The following MIB1 variants were observed in gnomAD, a reference collection of about 807,000 sequenced individuals.
The protein encoded by MIB1 is MIB E3 ubiquitin protein ligase 1.
MIB1 carries 278 observed loss-of-function variants against 124.5 expected under a neutral mutation model. That is an observed-to-expected ratio of 2.23 (90% CI 2.02 to 2.47). The LOEUF (loss-of-function observed/expected upper bound fraction) is 2.47. MIB1 is among the 30% of genes most tolerant of loss of function. MIB1 has a pLI of 0.00. For missense variants in MIB1, 957 were observed against 1,254.4 expected (o/e 0.76, Z 3.58); for synonymous variants, 446 against 429.4 (o/e 1.04, Z -0.48).
At chr18:21,794,442 C>CCT (rs147293733) in intron 7 of MIB1, among the ~76,000 whole-genome samples, 35,024 of 144,778 alleles carry the variant, frequency 0.24, 4,156 homozygotes, top group South Asian at 0.38. Flanking sequence ...CATTAAATAG[C>CCT]CTCTCTCTCT....
At position 21,732,987 on chromosome 18, in the gene MIB1, G is replaced by A. The variant is rs138557219; in HGVS notation, n.167+27864G>A. On this transcript the variant is annotated intron_variant and non_coding_transcript_variant, in intron 1 of 20. Coordinates refer to the MIB1 transcript ENST00000578646. ...AAATCCCTCCAGCATCTCAAAAAAC[G>A]GTTGCCATGACCTTTGCTTGTGACC... Among the ~76,000 whole-genome samples the A allele has an allele frequency of 3.0e-3, 464 of 152,226 alleles. 4 individuals are homozygous for A. Among genetic ancestry groups the A allele is most frequent in the African/African-American group, 0.011 (442 of 41,530 alleles).
chr18:21,730,478 G>C (rs1022985859), intron 1 of MIB1, among the ~76,000 whole-genome samples: 1 of 152,138 alleles, frequency 6.6e-6, no homozygotes, highest in Admixed American at 6.5e-5. Context: ...TGAGGCGGGA[G>C]AGTCGCTTGA....
chr18:21,746,294 C>T (rs1337031672), intron 1 of MIB1, among the ~76,000 whole-genome samples: 2 of 152,120 alleles, frequency 1.3e-5, no homozygotes, highest in Non-Finnish European at 2.9e-5. Flanking sequence ...AAGATTTTGT[C>T]TGGGAGTTGT....
Position 21,867,495 on chromosome 18 carries a change from A to G in MIB1, c.*2829A>G, listed in dbSNP as rs974477687. ...TACATATTTAATTTTGTTGGGAGCA[A>G]GAAGGTTTTCAAGAAAAGATAATTT... On this transcript the variant is annotated 3_prime_UTR_variant, in exon 21 of 21. Coordinates refer to ENST00000261537, the MANE Select transcript of MIB1 (RefSeq NM_020774.4). 2.6e-5 allele frequency: 4 copies of G among 152,594 alleles called. No homozygotes were observed. Among genetic ancestry groups the G allele is most frequent in the African/African-American group, 7.2e-5 (3 of 41,450 alleles). The allele number at this position is 152,594 out of a possible 1,614,324, so 9.5% of individuals were successfully genotyped here.
intron 1 of MIB1, among the ~76,000 whole-genome samples, chr18:21,714,265 T>C (rs1301063760): frequency 2.6e-5 from 4 of 152,128 alleles, no homozygotes; most frequent in East Asian, 3.9e-4. Context: ...GAGTTGTGAA[T>C]TGTTGGACTG....
chr18:21,735,431 A>G (rs1014766269), intron 1 of MIB1, among the ~76,000 whole-genome samples: 4 of 151,618 alleles, frequency 2.6e-5, no homozygotes, highest in African/African-American at 9.7e-5. Context: ...TCAAGCACAA[A>G]ACTGGGTGGT....
intron 1 of MIB1, among the ~76,000 whole-genome samples, chr18:21,712,307 AC>A (rs1287182180): frequency 1.3e-5 from 2 of 151,940 alleles, no homozygotes; most frequent in Non-Finnish European, 2.9e-5. Flanking sequence ...CCCTAAGGAG[AC>A]CCCCAGTGAT....
At position 21,747,138 on chromosome 18, in the gene MIB1, G is replaced by T. The variant is rs13381200; in HGVS notation, c.229+5326G>T. ...AAAATGTTTTTTATTAATGACATCT[G>T]CAAGGAAAACTTTATTTCCTCATAG... On this transcript the variant is annotated intron_variant, in intron 1 of 20. Coordinates refer to ENST00000261537, the MANE Select transcript of MIB1 (RefSeq NM_020774.4). 1.2e-3 allele frequency among the ~76,000 whole-genome samples: 188 copies of T among 152,278 alleles called. 2 individuals are homozygous for T. The highest frequency in any genetic ancestry group is 4.4e-3 in the African/African-American group (181 of 41,558).
chr18:21,835,840 A>ACACACACAAAC (rs1555695330), intron 12 of MIB1, among the ~76,000 whole-genome samples: 4 of 108,054 alleles, frequency 3.7e-5, no homozygotes, highest in Admixed American at 1.2e-4. Context: ...CACACACACA[A>ACACACACAAAC]ACACACACGA....
chr18:21,815,517 T>G, intron 10 of MIB1, 99 bp from the exon 11 acceptor site: 1 of 1,083,590 alleles, frequency 9.2e-7, no homozygotes, highest in African/African-American at 1.6e-5. Context: ...CTACATTGCC[T>G]TTTCTCAAAT....
At chr18:21,766,087 G>GACC in intron 2 of MIB1, 144 bp downstream of exon 2, 1 of 711,400 alleles carries the variant, frequency 1.4e-6, no homozygotes, top group East Asian at 2.7e-5. Context: ...GATAGAAGTG[G>GACC]ACCAAATCTG....
At chr18:21,761,080 G>A (rs543770427) in intron 1 of MIB1, among the ~76,000 whole-genome samples, 30 of 152,180 alleles carry the variant, frequency 2.0e-4, no homozygotes, top group South Asian at 1.0e-3. Flanking sequence ...TGGCAATGAG[G>A]TTGCTTTAAA....
intron 1 of MIB1, among the ~76,000 whole-genome samples, chr18:21,762,353 T>C (rs967950214): frequency 1.2e-4 from 18 of 152,200 alleles, no homozygotes; most frequent in African/African-American, 4.3e-4. Flanking sequence ...GGGACTATTA[T>C]TATGTAAATT....
At chr18:21,815,031 A>ATATATATAAAAT (rs1362539827) in intron 10 of MIB1, among the ~76,000 whole-genome samples, 2 of 114,522 alleles carry the variant, frequency 1.7e-5, no homozygotes, top group African/African-American at 8.5e-5. Context: ...ATATATATAT[A>ATATATATAAAAT]TATATATATA....
At position 21,745,448 on chromosome 18, in the gene MIB1, G is replaced by A. The variant is rs73963245; in HGVS notation, c.229+3636G>A. 8.7e-3 allele frequency among the ~76,000 whole-genome samples: 1,327 copies of A among 152,278 alleles called. 21 individuals carry two copies. Among genetic ancestry groups the A allele is most frequent in the African/African-American group, 0.03 (1,239 of 41,530 alleles). ...TCCAGACATTGCCAGATGTCCCCTA[G>A]TGGGGGCAAAATTGCTCCCAATTGA... On this transcript the variant is annotated intron_variant, in intron 1 of 20. Transcript: ENST00000261537.
intron 17 of MIB1, among the ~76,000 whole-genome samples, 185 bp from the exon 18 acceptor site, chr18:21,852,955 A>G (rs556975133): frequency 1.3e-5 from 2 of 152,218 alleles, no homozygotes; most frequent in African/African-American, 2.4e-5. Context: ...CTGTTAAGCT[A>G]GGGTATATAA....
Position 21,741,840 on chromosome 18 carries a change from T to TGC in MIB1, c.229+36_229+37dup. ...AAGCCGCGGCCACCTGGCCAGGGCT[T>TGC]GCGCGCGCGGGGGGAAGGGGCGAGC... is the stretch of plus-strand genomic sequence containing the variant. On this transcript the variant is annotated intron_variant, in intron 1 of 20. Coordinates refer to ENST00000261537, the MANE Select transcript of MIB1 (RefSeq NM_020774.4). The surrounding 1 kb of genome is among the most constrained non-coding windows in gnomAD (Gnocchi z 5.4). 3.2e-6 allele frequency: 5 copies of TGC among 1,538,856 alleles called. No individual in the cohort carries two copies. Among genetic ancestry groups the TGC allele is most frequent in the African/African-American group, 1.4e-5 (1 of 72,976 alleles).
chr18:21,773,971 C>T (rs896850012), intron 4 of MIB1, among the ~76,000 whole-genome samples: 2 of 151,996 alleles, frequency 1.3e-5, no homozygotes, highest in African/African-American at 4.8e-5. Context: ...GGTTTATTTA[C>T]GAAAATCTAT....
rs373463795 is a variant in MIB1 at position 21,779,451 on chromosome 18, C to T, written c.704-30C>T. ...GCCTGTTGTTGTGAGGTTTTTTTCT[C>T]CCTTTATTCAATTGCCTCTGAAATT... On this transcript the variant is annotated intron_variant, in intron 5 of 20. Coordinates refer to ENST00000261537, the MANE Select transcript of MIB1 (RefSeq NM_020774.4). 25 of 1,587,116 alleles carry T rather than the reference C, an allele frequency of 1.6e-5. No individual in the cohort carries two copies. The African/African-American group carries it at 3.4e-4, about 21-fold the overall frequency.
Sources: allele counts gnomAD v4.1 joint callset (sites outside exome capture counted in the v4.1 genomes callset), GRCh38; gene constraint gnomAD v4.1.1; non-coding constraint Gnocchi (gnomAD v3.1); transcripts MANE v1.5; gene names NCBI Gene and HGNC (gene_info 2026-07-23, HGNC 2026-07-21).